Variants in RBM26 observed in about 807,000 individuals in gnomAD.
RBM26 encodes RNA-binding protein 26.
In RBM26, 30 loss-of-function variants were observed where a neutral mutation model predicts 123.6. The ratio of observed to expected loss-of-function variants is 0.24; its 90% CI spans 0.18 to 0.33. The LOEUF (loss-of-function observed/expected upper bound fraction) is 0.33. RBM26 is among the 10% of genes least tolerant of loss of function. The probability of loss-of-function intolerance (pLI) is 1.00; values close to 1 mark genes in which losing one functional copy is unlikely to be tolerated. For missense variants in RBM26, 947 were observed against 1,203.6 expected, an observed-to-expected ratio of 0.79 and a Z score of 3.15; for synonymous variants, 400 against 404.4, an observed-to-expected ratio of 0.99 and a Z score of 0.13.
chr13:79,402,687 T>C (rs1014899099), intron 1 of RBM26, among the ~76,000 whole-genome samples: 1 of 152,150 alleles, frequency 6.6e-6, no homozygotes, highest in Admixed American at 6.5e-5. Flanking sequence ...ACCAAACCTA[T>C]AACGCTTTCA....
At chr13:79,396,164 G>A (rs9593396) in intron 1 of RBM26, among the ~76,000 whole-genome samples, 44,628 of 151,956 alleles carry the variant, frequency 0.29, 8,057 homozygotes, top group Non-Finnish European at 0.41. Flanking sequence ...AAACAACAGA[G>A]GACGGTGGCA....
At position 79,365,726 on chromosome 13, in the gene RBM26, T is replaced by C. The variant is rs548539696; in HGVS notation, c.1277-8A>G. On this transcript the variant is annotated splice_polypyrimidine_tract_variant and splice_region_variant and intron_variant, in intron 8 of 21. Coordinates refer to ENST00000438737, the MANE Select transcript of RBM26 (RefSeq NM_001366735.2). The stretch of plus-strand genomic sequence containing the variant: ...CATCTGTGTCATATGTATCTGGTAA[T>C]ACAAAAACTGTAATTAAAAAACAAT... The C allele has an allele frequency of 8.7e-6, 14 of 1,601,270 alleles. No homozygotes were observed. The African/African-American group carries it at 1.3e-4, about 15-fold the overall frequency.
At chr13:79,385,150 A>G (rs923881735) in intron 1 of RBM26, among the ~76,000 whole-genome samples, 8 of 152,186 alleles carry the variant, frequency 5.3e-5, no homozygotes, top group African/African-American at 1.9e-4. Context: ...CAAAGTCATG[A>G]TTTTATATTC....
rs529023031 is a variant in RBM26 at position 79,369,097 on chromosome 13, A to T, written c.635-107T>A. The T allele has an allele frequency of 6.6e-6, 4 of 605,992 alleles. No individual in the cohort carries two copies. In the South Asian group the frequency reaches 1.3e-4, roughly 20 times the overall value. 37.5% of individuals were successfully genotyped at this position (605,992 alleles called of 1,614,324 possible). On this transcript the variant is annotated intron_variant, in intron 5 of 21. Coordinates refer to ENST00000438737, the MANE Select transcript of RBM26 (RefSeq NM_001366735.2). Reference sequence around the variant, plus strand: ...TTATAAACATAGAAAAAAAATTTTAAATTTTGCATAATAATCATTTTCTTT... The same window carrying T: ...TTATAAACATAGAAAAAAAATTTTATATTTTGCATAATAATCATTTTCTTT...
chr13:79,335,335 T>A (rs2070169868), intron 19 of RBM26, among the ~76,000 whole-genome samples: 1 of 152,110 alleles, frequency 6.6e-6, no homozygotes, highest in East Asian at 1.9e-4. Context: ...AATAAAGGTA[T>A]CTACCTCACA....
chr13:79,330,736 T>C (rs940314395), intron 20 of RBM26, among the ~76,000 whole-genome samples: 3 of 152,166 alleles, frequency 2.0e-5, no homozygotes, highest in Non-Finnish European at 4.4e-5. Flanking sequence ...ATAATATATA[T>C]GACCACACAT....
intron 20 of RBM26, among the ~76,000 whole-genome samples, chr13:79,322,846 T>A (rs2067844838): frequency 2.0e-5 from 3 of 151,434 alleles, no homozygotes; most frequent in African/African-American, 7.2e-5. Context: ...CTAGTTTTAA[T>A]GTCTGAATCA....
chr13:79,334,243 C>A, intron 20 of RBM26, 101 bp downstream of exon 20: 1 of 644,742 alleles, frequency 1.6e-6, no homozygotes, highest in African/African-American at 1.9e-5. Flanking sequence ...ATTGTCAAAG[C>A]ATATTATTTA....
intron 3 of RBM26, among the ~76,000 whole-genome samples, chr13:79,374,422 G>C (rs1283606315): frequency 6.6e-6 from 1 of 152,106 alleles, no homozygotes; most frequent in Non-Finnish European, 1.5e-5. Context: ...AGGAGGCAGA[G>C]GTTGCAGTGA....
In RBM26 at chr13:79,371,140, C is replaced by T. The variant is rs1232724652; in HGVS notation, c.439G>A (p.Asp147Asn). Residue 147 changes from aspartate (D) to asparagine (N), a missense_variant, in exon 5 of 22, where the codon GAT (aspartate) becomes AAT (asparagine). By Grantham distance (23) the Asp-to-Asn change is conservative. Around this residue, in one of 5 missense-constraint regions of RBM26, gnomAD observed 275 missense variants for 361.0 expected, o/e 0.76. Coordinates refer to ENST00000438737, the MANE Select transcript of RBM26 (RefSeq NM_001366735.2). The stretch of plus-strand genomic sequence containing the variant: ...TAATCTCTTTTGCGAGAACGATCAT[C>T]TTTTTTCCTCTCATCACGGCTTCTA... Reference protein sequence around the residue: ...ENRSRDERKKDDRSRKRDYDR... With the variant: ...ENRSRDERKKNDRSRKRDYDR... 5 of 1,613,978 alleles carry T rather than the reference C, an allele frequency of 3.1e-6. No homozygotes were observed. The highest frequency in any genetic ancestry group is 4.2e-6 in the Non-Finnish European group (5 of 1,179,944).
intron 14 of RBM26, among the ~76,000 whole-genome samples, chr13:79,345,121 G>T (rs1159832919): frequency 5.3e-5 from 8 of 152,146 alleles, no homozygotes; most frequent in Non-Finnish European, 7.4e-5. Flanking sequence ...ACTAATATTT[G>T]TAGTGACTAA....
intron 20 of RBM26, among the ~76,000 whole-genome samples, chr13:79,325,610 G>A (rs984644616): frequency 4.6e-5 from 7 of 152,180 alleles, no homozygotes; most frequent in African/African-American, 1.7e-4. Context: ...ATGCTAAGTG[G>A]CGTTACAAGA....
Position 79,354,427 on chromosome 13 carries a change from C to G in RBM26, c.1986+12G>C, listed in dbSNP as rs1461764588. ...ACCTATTACGGGCACAATCGTAAGA[C>G]CTTTGCTTTACCTGAGGAAGGTCTG... On this transcript the variant is annotated intron_variant, in intron 13 of 21. Coordinates refer to ENST00000438737, the MANE Select transcript of RBM26 (RefSeq NM_001366735.2). The G allele has an allele frequency of 6.5e-7, 1 of 1,546,296 alleles. No homozygotes were observed. The highest frequency in any genetic ancestry group is 2.3e-5 in the East Asian group (1 of 43,766).
In RBM26 at chr13:79,342,749, G is replaced by C. The variant is rs997113533; in HGVS notation, c.2342C>G (p.Thr781Arg). 6 of 1,610,836 alleles carry C rather than the reference G, an allele frequency of 3.7e-6. No individual in the cohort carries two copies. Among genetic ancestry groups the C allele is most frequent in the African/African-American group, 1.3e-5 (1 of 74,750 alleles). Residue 781 changes from threonine (T) to arginine (R), a missense_variant, in exon 17 of 22, where the codon ACA becomes AGA. Around this residue, in one of 5 missense-constraint regions of RBM26, gnomAD observed 493 missense variants for 563.1 expected, o/e 0.88. Transcript: ENST00000438737. ...ATCTTTCAACTTGGTAATATTTTTT[G>C]TCAAAACCTCTAAAGTTTTCATTAT... ...AEIMKTLEVL[T>R]KNITKLKDEV... is the part of the protein sequence containing the mutation.
chr13:79,393,067 T>C (rs181185991), intron 1 of RBM26, among the ~76,000 whole-genome samples: 180 of 152,256 alleles, frequency 1.2e-3, no homozygotes, highest in Non-Finnish European at 1.8e-3. Context: ...CAAAGACTCA[T>C]GAGTAATTCT....
At position 79,405,787 on chromosome 13, in the gene RBM26, T is replaced by C. The variant is rs754300991; in HGVS notation, c.-13A>G. The C allele has an allele frequency of 1.3e-6, 2 of 1,543,966 alleles. No individual in the cohort carries two copies. The highest frequency in any genetic ancestry group is 1.8e-6 in the Non-Finnish European group (2 of 1,140,630). ...TTTTAGAAACCATCCACAGCGGCCCTAAGGCCCGTCACACTCCTCCGCCCG... is the reference window on the plus strand; with the variant it reads ...TTTTAGAAACCATCCACAGCGGCCCCAAGGCCCGTCACACTCCTCCGCCCG... On this transcript the variant is annotated 5_prime_UTR_variant, in exon 1 of 22. Transcript: ENST00000438737.
chr13:79,347,957 T>C (rs1426241901), intron 14 of RBM26, among the ~76,000 whole-genome samples: 1 of 152,134 alleles, frequency 6.6e-6, no homozygotes, highest in Non-Finnish European at 1.5e-5. Context: ...AGTTTTTCTC[T>C]ATTCCTCCTT....
intron 14 of RBM26, among the ~76,000 whole-genome samples, chr13:79,346,918 ACTC>A: frequency 6.6e-6 from 1 of 151,982 alleles, no homozygotes; most frequent in East Asian, 1.9e-4. Context: ...AAAAGAAAAA[ACTC>A]CTAATTATTT....
chr13:79,405,622 C>T lies in RBM26; in HGVS notation c.71+82G>A, dbSNP rs914001694. ...TCACCGCTTCGGCCTCCACCGCAGG[C>T]ACTTGGGGAAACTGCACAGATCTCT... is the stretch of plus-strand genomic sequence containing the variant. On this transcript the variant is annotated intron_variant, in intron 1 of 21. Coordinates refer to ENST00000438737, the MANE Select transcript of RBM26 (RefSeq NM_001366735.2). The T allele has an allele frequency of 5.7e-5, 54 of 942,114 alleles. No individual in the cohort carries two copies. In the African/African-American group the frequency reaches 8.9e-4, roughly 15 times the overall value. The allele number at this position is 942,114 out of a possible 1,614,324, so 58.4% of individuals were successfully genotyped here.
Sources: gnomAD v4.1 joint callset for allele counts (sites outside exome capture counted in the v4.1 genomes callset) on GRCh38, gnomAD v4.1.1 for gene constraint, gnomAD v4.1.1 regional missense constraint, MANE v1.5 for transcripts, NCBI Gene and HGNC (gene_info 2026-07-23, HGNC 2026-07-21) for gene names.